The following KHDRBS2 variants were observed in gnomAD, a reference collection of about 807,000 sequenced individuals.
KHDRBS2 encodes KH RNA binding domain containing, signal transduction associated 2.
A neutral mutation model predicts 44.3 loss-of-function variants in KHDRBS2; 26 were observed. The observed-to-expected ratio is 0.59, with a 90% confidence interval of 0.43 to 0.81. The LOEUF (loss-of-function observed/expected upper bound fraction) is 0.81. Ranked by LOEUF, KHDRBS2 falls within the 40% of genes least tolerant of loss-of-function variation. The pLI is 0.00. For synonymous variants in KHDRBS2, 194 were observed against 151.1 expected, an observed-to-expected ratio of 1.28 and a Z score of -2.08; for missense variants, 476 against 433.1, an observed-to-expected ratio of 1.10 and a Z score of -0.88.
rs548808141 is a variant in KHDRBS2, at chr6:62,206,039, C to T, written c.92-28727G>A. On this transcript the variant is annotated intron_variant, in intron 1 of 8. Coordinates refer to ENST00000281156, the MANE Select transcript of KHDRBS2 (RefSeq NM_152688.4). Reference sequence around the variant, plus strand: ...GAGCTTAAGAGGAAATGGTCAAATGCTTAACAGTGAATAATAATATGGTTT... The same window carrying T: ...GAGCTTAAGAGGAAATGGTCAAATGTTTAACAGTGAATAATAATATGGTTT... Among the ~76,000 whole-genome samples the T allele has an allele frequency of 1.4e-4, 22 of 152,244 alleles. No homozygotes were observed. In the South Asian group the frequency reaches 3.5e-3, roughly 24 times the overall value.
At chr6:61,758,286 GT>G (rs1352008889) in intron 6 of KHDRBS2, among the ~76,000 whole-genome samples, 5 of 151,898 alleles carry the variant, frequency 3.3e-5, no homozygotes, top group Non-Finnish European at 7.4e-5. Flanking sequence ...TATTTTGTAT[GT>G]TTTTTGTTGT....
intron 2 of KHDRBS2, among the ~76,000 whole-genome samples, chr6:62,159,382 A>G (rs181014677): frequency 6.6e-6 from 1 of 152,268 alleles, no homozygotes; most frequent in Admixed American, 6.5e-5. Context: ...TCATCAATGA[A>G]AACAGCAATA....
intron 3 of KHDRBS2, among the ~76,000 whole-genome samples, chr6:62,005,578 G>C (rs1228953346): frequency 6.6e-6 from 1 of 150,802 alleles, no homozygotes; most frequent in Non-Finnish European, 1.5e-5. Context: ...AGTCTTTAGG[G>C]ACCAAAAATC....
chr6:61,777,137 G>C (rs1206255043), intron 6 of KHDRBS2, among the ~76,000 whole-genome samples: 2 of 152,010 alleles, frequency 1.3e-5, no homozygotes, highest in Middle Eastern at 3.4e-3. Flanking sequence ...AGAGACTGTT[G>C]GGGGGTGGGG....
the KHDRBS2 span, among the ~76,000 whole-genome samples, chr6:61,640,300 T>C: frequency 6.6e-6 from 1 of 151,894 alleles, no homozygotes; most frequent in Non-Finnish European, 1.5e-5. Flanking sequence ...GGTCTAAATA[T>C]TTCCATAAAA....
At chr6:61,692,099 G>A (rs556249408) in intron 8 of KHDRBS2, among the ~76,000 whole-genome samples, 2 of 152,226 alleles carry the variant, frequency 1.3e-5, no homozygotes, top group South Asian at 2.1e-4. Context: ...AGAACTTAGA[G>A]AGTATTTCTT....
chr6:62,061,463 G>C (rs1393626382), intron 2 of KHDRBS2, among the ~76,000 whole-genome samples: 6 of 150,938 alleles, frequency 4.0e-5, no homozygotes, highest in Non-Finnish European at 7.4e-5. Flanking sequence ...GAAATTCTGG[G>C]TTCAAAATTC....
intron 6 of KHDRBS2, among the ~76,000 whole-genome samples, chr6:61,796,805 G>A (rs750588599): frequency 6.6e-6 from 1 of 152,072 alleles, no homozygotes; most frequent in Non-Finnish European, 1.5e-5. Flanking sequence ...CCCACATGTT[G>A]TATGCCACAG....
chr6:61,992,054 T>G (rs1309231444), intron 3 of KHDRBS2, among the ~76,000 whole-genome samples: 1 of 152,198 alleles, frequency 6.6e-6, no homozygotes, highest in African/African-American at 2.4e-5. Flanking sequence ...ATATAGCTGG[T>G]ATCAGTGTGA....
At chr6:61,831,331 A>G (rs1373150222) in intron 6 of KHDRBS2, among the ~76,000 whole-genome samples, 1 of 151,774 alleles carries the variant, frequency 6.6e-6, no homozygotes, top group Non-Finnish European at 1.5e-5. Flanking sequence ...CAGTTGTCCA[A>G]CTCCTGAAGA....
chr6:62,162,799 G>T (rs1441105112), intron 2 of KHDRBS2, among the ~76,000 whole-genome samples: 1 of 152,026 alleles, frequency 6.6e-6, no homozygotes, highest in Non-Finnish European at 1.5e-5. Flanking sequence ...CTGGCACATT[G>T]GATAGAATGT....
chr6:61,943,109 A>G (rs1049579804), intron 4 of KHDRBS2, among the ~76,000 whole-genome samples: 3 of 135,690 alleles, frequency 2.2e-5, no homozygotes, highest in African/African-American at 7.8e-5. Flanking sequence ...GAAGAAAGAA[A>G]GAAAAGAAAA....
intron 2 of KHDRBS2, among the ~76,000 whole-genome samples, chr6:62,073,441 G>T (rs1241497871): frequency 4.1e-5 from 6 of 148,108 alleles, no homozygotes; most frequent in Non-Finnish European, 7.5e-5. Context: ...GTTTTGTTTT[G>T]TCTCTTTTTC....
intron 6 of KHDRBS2, among the ~76,000 whole-genome samples, chr6:61,852,737 CAT>C (rs758810955): frequency 6.6e-4 from 100 of 152,144 alleles, no homozygotes; most frequent in Non-Finnish European, 1.1e-3. Flanking sequence ...TTAACAAAAA[CAT>C]AAACTATACA....
intron 6 of KHDRBS2, among the ~76,000 whole-genome samples, chr6:61,733,054 A>C (rs1225425198): frequency 6.6e-6 from 1 of 152,216 alleles, no homozygotes; most frequent in Non-Finnish European, 1.5e-5. Flanking sequence ...AATTCAAAAT[A>C]AGTTTTTCTA....
intron 1 of KHDRBS2, among the ~76,000 whole-genome samples, chr6:62,254,508 G>T (rs1486962259): frequency 1.3e-5 from 2 of 152,034 alleles, no homozygotes; most frequent in African/African-American, 4.8e-5. Context: ...GCTGAGGCAA[G>T]AATGATAAGA....
chr6:62,263,620 A>G (rs1270732534), intron 1 of KHDRBS2, among the ~76,000 whole-genome samples: 1 of 151,738 alleles, frequency 6.6e-6, no homozygotes, highest in Admixed American at 6.6e-5. Flanking sequence ...TTGTAACAGG[A>G]AAATCTGAGC....
chr6:62,211,409 C>T (rs913595880), intron 1 of KHDRBS2, among the ~76,000 whole-genome samples: 5 of 152,090 alleles, frequency 3.3e-5, no homozygotes, highest in African/African-American at 9.7e-5. Flanking sequence ...TGTGGAACCA[C>T]ATTTTATTTG....
chr6:61,881,938 A>G (rs1285736479), intron 6 of KHDRBS2, among the ~76,000 whole-genome samples: 2 of 152,056 alleles, frequency 1.3e-5, no homozygotes, highest in East Asian at 3.9e-4. Flanking sequence ...TAATCCAAAA[A>G]TATTGCAGTA....
Sources: gnomAD v4.1 joint callset for allele counts (sites outside exome capture counted in the v4.1 genomes callset) on GRCh38, gnomAD v4.1.1 for gene constraint, MANE v1.5 for transcripts, NCBI Gene and HGNC (gene_info 2026-07-23, HGNC 2026-07-21) for gene names.